The following TANC1 variants were observed in gnomAD, a reference collection of about 807,000 sequenced individuals.
TANC1 encodes the protein tetratricopeptide repeat, ankyrin repeat and coiled-coil containing 1, also known as protein TANC1.
TANC1 carries 77 observed loss-of-function variants against 149.7 expected under a neutral mutation model. The ratio of observed to expected loss-of-function variants is 0.51; its 90% CI spans 0.43 to 0.62. TANC1 has a LOEUF of 0.62. Among genes scored for constraint, TANC1 ranks in the 20% least tolerant of loss-of-function variants. The probability of loss-of-function intolerance (pLI) is 0.00; values close to 1 mark genes in which losing one functional copy is unlikely to be tolerated. For synonymous variants in TANC1, 854 were observed against 925.0 expected (o/e 0.92, Z 1.39); for missense variants, 1,985 against 2,321.8 (o/e 0.85, Z 2.98).
intron 18 of TANC1, 132 bp downstream of exon 18, chr2:159,196,925 G>A: frequency 5.2e-6 from 4 of 770,578 alleles, no homozygotes; most frequent in Non-Finnish European, 8.2e-6. Context: ...GCAGTAGAAG[G>A]TCTTCTATGG....
At chr2:159,070,021 A>G (rs1006611574) in intron 3 of TANC1, among the ~76,000 whole-genome samples, 6 of 151,986 alleles carry the variant, frequency 3.9e-5, no homozygotes, top group Admixed American at 2.0e-4. Flanking sequence ...GGCCTACACA[A>G]TGCACCCACT....
chr2:159,199,038 T>C lies in TANC1; in HGVS notation c.3229T>C (p.Leu1077=), dbSNP rs749552752. Residue 1077 remains leucine (L), a synonymous_variant, in exon 19 of 27, where the codon TTG becomes CTG. Transcript: ENST00000263635. ...AGTAGAAGTCAATGGCACCGACACATTGTGGGGAGAAACAGGTAATTATAA... is the reference window on the plus strand; with the variant it reads ...AGTAGAAGTCAATGGCACCGACACACTGTGGGGAGAAACAGGTAATTATAA... ...HEVEVNGTDT[L]WGETALTAAA... The C allele has an allele frequency of 6.2e-7, 1 of 1,613,860 alleles. No homozygotes were observed.
chr2:159,043,918 A>G (rs1169400391), intron 2 of TANC1, among the ~76,000 whole-genome samples: 44 of 152,174 alleles, frequency 2.9e-4, no homozygotes, highest in Admixed American at 2.9e-3. Context: ...AATGCTCTTC[A>G]TAGATTGGCT....
At chr2:159,002,559 T>A (rs914263098) in intron 2 of TANC1, among the ~76,000 whole-genome samples, 2 of 152,230 alleles carry the variant, frequency 1.3e-5, no homozygotes, top group African/African-American at 4.8e-5. Context: ...ACAGAGATTT[T>A]GAGGTTGTAA....
chr2:159,041,116 G>C (rs1574288340), intron 2 of TANC1, among the ~76,000 whole-genome samples: 1 of 152,176 alleles, frequency 6.6e-6, no homozygotes, highest in East Asian at 1.9e-4. Context: ...AAATATTGCA[G>C]AACAGCAAAT....
Position 159,225,720 on chromosome 2 carries a change from C to T in TANC1, c.3844C>T (p.Pro1282Ser). 2 of 1,614,130 alleles carry T rather than the reference C, an allele frequency of 1.2e-6. No homozygotes were observed. Among genetic ancestry groups the T allele is most frequent in the Admixed American group, 1.7e-5 (1 of 60,034 alleles). Residue 1282 changes from proline (P) to serine (S), a missense_variant, in exon 24 of 27, where the codon CCT becomes TCT. This residue lies in a region of TANC1 where 920 missense variants were observed against 994.7 expected (regional missense o/e 0.92). Coordinates refer to ENST00000263635, the MANE Select transcript of TANC1 (RefSeq NM_033394.3). ...NAAWAMATSKPDILIILLQKL... is the reference protein window; with the variant it reads ...NAAWAMATSKSDILIILLQKL... ...TGCTTGGGCGATGGCCACTTCCAAACCTGATATCTTGATTATACTTTTACA... is the reference window on the plus strand; with the variant it reads ...TGCTTGGGCGATGGCCACTTCCAAATCTGATATCTTGATTATACTTTTACA...
chr2:158,983,468 C>CAAAAAAAAAAAAAAAAAAAAAAAA (rs35472970), intron 1 of TANC1, among the ~76,000 whole-genome samples: 4 of 88,802 alleles, frequency 4.5e-5, no homozygotes, highest in African/African-American at 1.8e-4. Context: ...CTCCGTCTCC[C>CAAAAAAAAAAAAAAAAAAAAAAAA]AAAAAAAAAA....
chr2:159,200,218 A>G (rs1481113338), intron 19 of TANC1, among the ~76,000 whole-genome samples: 1 of 152,222 alleles, frequency 6.6e-6, no homozygotes, highest in Non-Finnish European at 1.5e-5. Flanking sequence ...ATGACTGCTG[A>G]CAGCCAAAAG....
intron 19 of TANC1, among the ~76,000 whole-genome samples, chr2:159,212,510 G>A (rs2159874): frequency 0.41 from 61,671 of 152,022 alleles, 13,377 homozygotes; most frequent in East Asian, 0.58. Flanking sequence ...CTGCAGCAAC[G>A]AAAGACAGAT....
At chr2:159,132,655 ATTTTTTTTTTT>A (rs35719354) in intron 4 of TANC1, among the ~76,000 whole-genome samples, 2 of 127,266 alleles carry the variant, frequency 1.6e-5, no homozygotes, top group Non-Finnish European at 3.3e-5. Flanking sequence ...CACCCAGCTA[ATTTTTTTTTTT>A]TTTTTTTTTT....
intron 1 of TANC1, among the ~76,000 whole-genome samples, chr2:158,983,242 T>C (rs1486460826): frequency 0.011 from 1,676 of 152,020 alleles, 16 homozygotes; most frequent in Non-Finnish European, 0.016. Context: ...CGAGGTGGGT[T>C]GGATCACGAG....
At position 159,155,429 on chromosome 2, in the gene TANC1, A is replaced by G. The variant is rs113048557; in HGVS notation, c.682+4873A>G. Reference sequence around the variant, plus strand: ...ACCTGTTGAGATGTGTAATCTCCGGAGCATTTTTGTAGTGTCCTGAATCGG... The same window carrying G: ...ACCTGTTGAGATGTGTAATCTCCGGGGCATTTTTGTAGTGTCCTGAATCGG... On this transcript the variant is annotated intron_variant, in intron 7 of 26. Transcript: ENST00000263635. Among the ~76,000 whole-genome samples, 1,073 of 152,182 alleles carry G rather than the reference A, an allele frequency of 7.1e-3. 13 individuals carry two copies. The highest frequency in any genetic ancestry group is 0.025 in the African/African-American group (1,028 of 41,498).
rs142548737 is a variant in TANC1 at position 159,107,997 on chromosome 2, A to G, written c.259+10163A>G. Reference sequence around the variant, plus strand: ...GATCCAATTGTATCTTCAGAATCCAATCACTTTCTTTATCCTGGTGATGGA... The same window carrying G: ...GATCCAATTGTATCTTCAGAATCCAGTCACTTTCTTTATCCTGGTGATGGA... On this transcript the variant is annotated intron_variant, in intron 4 of 26. Transcript: ENST00000263635. 2.0e-4 allele frequency among the ~76,000 whole-genome samples: 31 copies of G among 152,332 alleles called. No homozygotes were observed. In the East Asian group the frequency reaches 5.2e-3, roughly 26 times the overall value.
chr2:158,989,542 C>T (rs917903740), intron 1 of TANC1, among the ~76,000 whole-genome samples: 8 of 148,368 alleles, frequency 5.4e-5, no homozygotes, highest in South Asian at 2.1e-4. Flanking sequence ...CCTGCAAGAT[C>T]GAGGCTGCAC....
intron 3 of TANC1, among the ~76,000 whole-genome samples, chr2:159,088,738 G>A (rs2045220009): frequency 6.6e-6 from 1 of 152,064 alleles, no homozygotes; most frequent in South Asian, 2.1e-4. Context: ...TTTACGTGTG[G>A]CCCAAGACAA....
At chr2:159,048,081 C>T (rs961209629) in intron 2 of TANC1, among the ~76,000 whole-genome samples, 1 of 152,104 alleles carries the variant, frequency 6.6e-6, no homozygotes, top group Non-Finnish European at 1.5e-5. Context: ...TGTGTCCAGG[C>T]CCAGGGGCAC....
At chr2:159,070,200 C>G (rs2043023672) in intron 3 of TANC1, among the ~76,000 whole-genome samples, 1 of 152,126 alleles carries the variant, frequency 6.6e-6, no homozygotes, top group Non-Finnish European at 1.5e-5. Flanking sequence ...AACCATCTAG[C>G]TCCTCCATAA....
At chr2:159,006,331 A>G (rs1223625345) in intron 2 of TANC1, among the ~76,000 whole-genome samples, 1 of 151,788 alleles carries the variant, frequency 6.6e-6, no homozygotes, top group Non-Finnish European at 1.5e-5. Context: ...TCACATTACA[A>G]TCTGAACACT....
intron 2 of TANC1, among the ~76,000 whole-genome samples, chr2:159,014,423 A>G (rs2038067284): frequency 1.3e-5 from 2 of 152,202 alleles, no homozygotes; most frequent in African/African-American, 2.4e-5. Flanking sequence ...CCCTCCCACA[A>G]CATGTGGGAA....
Sources: allele counts gnomAD v4.1 joint callset (sites outside exome capture counted in the v4.1 genomes callset), GRCh38; gene constraint gnomAD v4.1.1; regional missense constraint gnomAD v4.1.1; transcripts MANE v1.5; gene names NCBI Gene and HGNC (gene_info 2026-07-23, HGNC 2026-07-21).